The following CPED1 variants were observed in gnomAD, a reference collection of about 807,000 sequenced individuals.
CPED1 encodes cadherin-like and PC-esterase domain-containing protein 1.
CPED1 carries 114 observed loss-of-function variants against 128.2 expected under a neutral mutation model. That is an observed-to-expected ratio of 0.89 (90% CI 0.76 to 1.04). The LOEUF (loss-of-function observed/expected upper bound fraction) is 1.04, where lower values mean the gene tolerates loss of function less well. Ranked by LOEUF, CPED1 falls within the 50% of genes least tolerant of loss-of-function variation. The pLI, the probability that CPED1 is intolerant of heterozygous loss-of-function variation, is 0.00. For synonymous variants in CPED1, 462 were observed against 426.7 expected (o/e 1.08, Z -1.02); for missense variants, 1,211 against 1,207.1 (o/e 1.00, Z -0.05).
intron 7 of CPED1, among the ~76,000 whole-genome samples, chr7:121,123,424 A>G (rs544409182): frequency 1.3e-5 from 2 of 152,332 alleles, no homozygotes; most frequent in South Asian, 4.1e-4. Flanking sequence ...TCCAAAAAAC[A>G]TTAATAGAAT....
chr7:121,113,785 C>A (rs1305293433), intron 7 of CPED1, among the ~76,000 whole-genome samples: 3 of 152,004 alleles, frequency 2.0e-5, no homozygotes, highest in Non-Finnish European at 4.4e-5. Context: ...ACACTACTGT[C>A]ATTTTACACT....
intron 7 of CPED1, among the ~76,000 whole-genome samples, chr7:121,103,605 T>G (rs1794904301): frequency 6.6e-6 from 1 of 152,116 alleles, no homozygotes; most frequent in African/African-American, 2.4e-5. Flanking sequence ...AAACCCACTT[T>G]AAAAACTACC....
At chr7:121,139,554 C>T (rs1322435621) in intron 14 of CPED1, among the ~76,000 whole-genome samples, 1 of 151,818 alleles carries the variant, frequency 6.6e-6, no homozygotes, top group Non-Finnish European at 1.5e-5. Context: ...AAATTTTGGT[C>T]TTGTTGAAGC....
intron 16 of CPED1, among the ~76,000 whole-genome samples, chr7:121,220,252 C>G (rs952527846): frequency 2.6e-5 from 4 of 152,028 alleles, no homozygotes; most frequent in Non-Finnish European, 5.9e-5. Flanking sequence ...ATTAATGTGA[C>G]TAATTTCTAC....
intron 16 of CPED1, among the ~76,000 whole-genome samples, chr7:121,160,957 T>G (rs972180655): frequency 3.9e-5 from 6 of 152,154 alleles, no homozygotes; most frequent in African/African-American, 1.4e-4. Flanking sequence ...TCAACAGGGA[T>G]GACCCCCAAA....
chr7:121,138,233 A>C (rs1440521848), intron 14 of CPED1, among the ~76,000 whole-genome samples: 1 of 152,088 alleles, frequency 6.6e-6, no homozygotes. Flanking sequence ...TGCAGTTAAA[A>C]GAAATCCATT....
intron 16 of CPED1, among the ~76,000 whole-genome samples, chr7:121,179,901 G>T (rs1445201406): frequency 6.6e-6 from 1 of 152,000 alleles, no homozygotes; most frequent in Non-Finnish European, 1.5e-5. Context: ...ATAATACCTT[G>T]CAGTTTTTTA....
intron 16 of CPED1, among the ~76,000 whole-genome samples, chr7:121,143,851 C>T (rs1445277870): frequency 1.3e-5 from 2 of 151,808 alleles, no homozygotes; most frequent in Admixed American, 6.6e-5. Flanking sequence ...TAAAAAGACA[C>T]ACACACACAA....
intron 16 of CPED1, among the ~76,000 whole-genome samples, chr7:121,216,899 G>C (rs1312971497): frequency 2.0e-5 from 3 of 151,932 alleles, no homozygotes; most frequent in Non-Finnish European, 2.9e-5. Flanking sequence ...ATGTTCTTTG[G>C]TTTGCTCAAC....
intron 16 of CPED1, among the ~76,000 whole-genome samples, chr7:121,198,525 CTG>C (rs2116553922): frequency 6.6e-6 from 1 of 152,174 alleles, no homozygotes; most frequent in African/African-American, 2.4e-5. Flanking sequence ...GGGTTGTTCC[CTG>C]TGTTTTTGCC....
intron 4 of CPED1, among the ~76,000 whole-genome samples, chr7:121,061,455 A>C (rs570647324): frequency 6.6e-6 from 1 of 152,320 alleles, no homozygotes; most frequent in South Asian, 2.1e-4. Flanking sequence ...ATGATAAAAA[A>C]TGATAATTCG....
intron 5 of CPED1, among the ~76,000 whole-genome samples, chr7:121,070,284 G>A (rs1367863015): frequency 6.6e-6 from 1 of 151,308 alleles, no homozygotes; most frequent in African/African-American, 2.4e-5. Flanking sequence ...TAATATCCCA[G>A]GTCTAATATT....
rs776638026 is a variant in CPED1, at chr7:120,989,750, C to T, written c.129C>T (p.Ala43=). 3 of 1,613,848 alleles carry T rather than the reference C, an allele frequency of 1.9e-6. No homozygotes were observed. The highest frequency in any genetic ancestry group is 1.3e-5 in the African/African-American group (1 of 74,886). ...TCCGAGGGTCGAGGAAGCTCACAGC[C>T]GCTGCCCCTGGGGCTGTCCCACACA... ...LTLRGSRKLT[A]AAPGAVPHTS... is the part of the protein sequence containing the mutation. Residue 43 remains alanine, a synonymous_variant, in exon 2 of 23, where the codon GCC becomes GCT. Transcript: ENST00000310396.
chr7:121,245,602 A>G (rs558096397), intron 18 of CPED1, among the ~76,000 whole-genome samples: 1 of 152,144 alleles, frequency 6.6e-6, no homozygotes, highest in Non-Finnish European at 1.5e-5. Flanking sequence ...GCTAAGGTAG[A>G]TATTATCATA....
intron 16 of CPED1, among the ~76,000 whole-genome samples, chr7:121,159,805 G>T (rs563144232): frequency 6.6e-6 from 1 of 152,194 alleles, no homozygotes; most frequent in Admixed American, 6.5e-5. Flanking sequence ...CAAAGCTTAG[G>T]TCTTTTATCA....
intron 7 of CPED1, among the ~76,000 whole-genome samples, chr7:121,115,191 A>G (rs1381022832): frequency 6.6e-6 from 1 of 152,236 alleles, no homozygotes; most frequent in Non-Finnish European, 1.5e-5. Flanking sequence ...GATTTGGGCT[A>G]TCTAGCATTA....
chr7:121,009,317 G>T (rs569602515), intron 2 of CPED1, among the ~76,000 whole-genome samples: 46 of 152,078 alleles, frequency 3.0e-4, no homozygotes, highest in African/African-American at 1.1e-3. Flanking sequence ...CCAGTAGAAA[G>T]TTCAGGCTGG....
intron 3 of CPED1, among the ~76,000 whole-genome samples, chr7:121,035,853 A>T (rs921749672): frequency 2.0e-4 from 30 of 152,094 alleles, no homozygotes; most frequent in East Asian, 1.2e-3. Context: ...TAATAATAAA[A>T]AAAAATAAAT....
chr7:121,037,498 G>A (rs1484426349), intron 3 of CPED1, among the ~76,000 whole-genome samples: 2 of 152,078 alleles, frequency 1.3e-5, no homozygotes, highest in African/African-American at 2.4e-5. Context: ...ATTGGTCTAT[G>A]TGCCTATTTT....
Sources: gnomAD v4.1 joint callset for allele counts (sites outside exome capture counted in the v4.1 genomes callset) on GRCh38, gnomAD v4.1.1 for gene constraint, MANE v1.5 for transcripts, NCBI Gene and HGNC (gene_info 2026-07-23, HGNC 2026-07-21) for gene names.